Variants in PARVA observed in about 807,000 individuals in gnomAD.
PARVA encodes parvin alpha, also known as alpha-parvin.
In PARVA, 25 loss-of-function variants were observed where a neutral mutation model predicts 52.6. That is an observed-to-expected ratio of 0.48 (90% confidence interval 0.35 to 0.66). The LOEUF is 0.66. Among genes scored for constraint, PARVA ranks in the 30% least tolerant of loss-of-function variants. The pLI is 0.01. For synonymous variants in PARVA, 185 were observed against 179.1 expected (o/e 1.03, Z -0.26); for missense variants, 373 against 450.9 (o/e 0.83, Z 1.56).
At chr11:12,514,779 C>T (rs1941548532) in intron 10 of PARVA, among the ~76,000 whole-genome samples, 2 of 152,362 alleles carry the variant, frequency 1.3e-5, no homozygotes, top group South Asian at 2.1e-4. Flanking sequence ...AGCCACCGCA[C>T]CCAGCTGACT....
intron 1 of PARVA, among the ~76,000 whole-genome samples, chr11:12,380,331 G>T (rs1939466723): frequency 6.6e-6 from 1 of 150,644 alleles, no homozygotes; most frequent in Non-Finnish European, 1.5e-5. Context: ...TCACTCCGAG[G>T]CCTGAGGGAC....
At chr11:12,396,502 C>T (rs979753952) in intron 1 of PARVA, among the ~76,000 whole-genome samples, 1 of 152,210 alleles carries the variant, frequency 6.6e-6, no homozygotes, top group Non-Finnish European at 1.5e-5. Context: ...TCATCATTCT[C>T]TCTGAGCTCC....
At chr11:12,455,105 C>T (rs1289259757) in intron 1 of PARVA, among the ~76,000 whole-genome samples, 3 of 152,088 alleles carry the variant, frequency 2.0e-5, no homozygotes, top group Non-Finnish European at 4.4e-5. Flanking sequence ...TCCCCTGACC[C>T]CTGCATTTCC....
chr11:12,468,154 C>G (rs1242858663), intron 1 of PARVA, among the ~76,000 whole-genome samples: 1 of 152,206 alleles, frequency 6.6e-6, no homozygotes, highest in Non-Finnish European at 1.5e-5. Flanking sequence ...CCCTGTGGCT[C>G]TCTCCTTACA....
At chr11:12,482,156 CAAA>C (rs60933434) in intron 4 of PARVA, among the ~76,000 whole-genome samples, 9 of 60,604 alleles carry the variant, frequency 1.5e-4, no homozygotes, top group Admixed American at 2.0e-4. Flanking sequence ...AACCCTGTCT[CAAA>C]AAAAAAAAAA....
At chr11:12,521,915 C>G (rs77048309) in intron 12 of PARVA, among the ~76,000 whole-genome samples, 3,851 of 152,282 alleles carry the variant, frequency 0.025, 157 homozygotes, top group African/African-American at 0.087. Flanking sequence ...GTAACGATCT[C>G]CATTTCGAGC....
chr11:12,491,448 A>G lies in PARVA; in HGVS notation c.401-5010A>G, dbSNP rs1000542532. The stretch of plus-strand genomic sequence containing the variant: ...TTCCCAAAGTGCTGGGATTACAGGC[A>G]TAAAGCCACCACGCCCAGCTGAGAT... On this transcript the variant is annotated intron_variant, in intron 4 of 12. Transcript: ENST00000334956. 3.9e-5 allele frequency among the ~76,000 whole-genome samples: 6 copies of G among 152,186 alleles called. No individual in the cohort carries two copies. The East Asian group carries it at 1.2e-3, about 29-fold the overall frequency.
chr11:12,401,805 T>C (rs1939832243), intron 1 of PARVA, among the ~76,000 whole-genome samples: 1 of 152,188 alleles, frequency 6.6e-6, no homozygotes, highest in Non-Finnish European at 1.5e-5. Flanking sequence ...GTTAGGATAT[T>C]TTATACAATT....
At chr11:12,437,092 T>G (rs1184098152) in intron 1 of PARVA, among the ~76,000 whole-genome samples, 1 of 152,224 alleles carries the variant, frequency 6.6e-6, no homozygotes, top group Non-Finnish European at 1.5e-5. Flanking sequence ...CATGCTAGTA[T>G]TTTGTGTTAT....
At position 12,397,438 on chromosome 11, in the gene PARVA, TTGTC is replaced by T. The variant is rs1248957239; in HGVS notation, c.136+19658_136+19661del. Among the ~76,000 whole-genome samples, 4 of 152,346 alleles carry T rather than the reference TTGTC, an allele frequency of 2.6e-5. No individual in the cohort carries two copies. In the East Asian group the frequency reaches 5.8e-4, roughly 22 times the overall value. ...CTTGCAAACAACATTCTATGCCAGT[TTGTC>T]TGCACAATAAATTCTTAGAGGTGGA... On this transcript the variant is annotated intron_variant, in intron 1 of 12. Coordinates refer to ENST00000334956, the MANE Select transcript of PARVA (RefSeq NM_018222.5).
chr11:12,445,501 T>A (rs1275028576), intron 1 of PARVA, among the ~76,000 whole-genome samples: 3 of 152,040 alleles, frequency 2.0e-5, no homozygotes, highest in Non-Finnish European at 2.9e-5. Context: ...AGACAGCAAG[T>A]GTGCCCACTG....
chr11:12,466,717 G>GT (rs377571213), intron 1 of PARVA, among the ~76,000 whole-genome samples: 2,979 of 147,606 alleles, frequency 0.02, 89 homozygotes, highest in African/African-American at 0.068. Flanking sequence ...CAGATTTTCT[G>GT]TTTTTTTTTT....
intron 12 of PARVA, among the ~76,000 whole-genome samples, chr11:12,522,116 C>T (rs7121052): frequency 0.95 from 144,696 of 152,278 alleles, 69,181 homozygotes; most frequent in East Asian, 1. Context: ...TTCATAGGTA[C>T]GTATGTCCAT....
At chr11:12,398,170 A>C (rs1939777093) in intron 1 of PARVA, 1 of 152,084 alleles carries the variant, frequency 6.6e-6, no homozygotes, top group Non-Finnish European at 1.5e-5. Flanking sequence ...TGATGAAGAT[A>C]ATAAATGACA....
chr11:12,446,844 C>T (rs539895415), intron 1 of PARVA, among the ~76,000 whole-genome samples: 236 of 152,298 alleles, frequency 1.5e-3, no homozygotes, highest in Non-Finnish European at 2.5e-3. Context: ...TTCGTACATT[C>T]TCAATGTAGC....
chr11:12,457,527 T>A (rs1230934188), intron 1 of PARVA, among the ~76,000 whole-genome samples: 1 of 152,206 alleles, frequency 6.6e-6, no homozygotes, highest in East Asian at 1.9e-4. Context: ...CATTGCTGCC[T>A]CAGTTCCTCA....
rs188124728 is a variant in PARVA, at chr11:12,485,969, G to A, written c.400+8020G>A. 3.3e-5 allele frequency among the ~76,000 whole-genome samples: 5 copies of A among 152,320 alleles called. No individual in the cohort carries two copies. The East Asian group carries it at 9.7e-4, about 29-fold the overall frequency. On this transcript the variant is annotated intron_variant, in intron 4 of 12. Coordinates refer to ENST00000334956, the MANE Select transcript of PARVA (RefSeq NM_018222.5). ...TGTGAAAAACCATCACAGAACAGAG[G>A]ACGCTAAGGAGACATGAAGAAAAGA...
At chr11:12,524,537 GACCCGTGCTCATGCCTCCACTTCTGATCT>G (rs1941677130) in intron 12 of PARVA, among the ~76,000 whole-genome samples, 1 of 151,988 alleles carries the variant, frequency 6.6e-6, no homozygotes, top group South Asian at 2.1e-4. Context: ...CCTCCTTTGC[GACCCGTGCTCATGCCTCCACTTCTGATCT>G]GCCCGTGCTG....
rs575643777 is a variant in PARVA, at chr11:12,533,743, T to C, written c.*5818T>C. Among the ~76,000 whole-genome samples the C allele has an allele frequency of 6.6e-6, 1 of 152,040 alleles. No individual in the cohort carries two copies. The highest frequency in any genetic ancestry group is 1.5e-5 in the Non-Finnish European group (1 of 68,000). On this transcript the variant is annotated 3_prime_UTR_variant, in exon 13 of 13. Transcript: ENST00000334956. ...AAAAACATAAGCAAGAGAAAATATA[T>C]TTACTATTAAGTGAAAGCAGGTCAT...
Sources: allele counts gnomAD v4.1 joint callset (sites outside exome capture counted in the v4.1 genomes callset), GRCh38; gene constraint gnomAD v4.1.1; transcripts MANE v1.5; gene names NCBI Gene and HGNC (gene_info 2026-07-23, HGNC 2026-07-21).